Variants in AMY2B observed in about 807,000 individuals in gnomAD.
AMY2B encodes the protein amylase alpha 2B, also known as alpha-amylase 2B.
A neutral mutation model predicts 59.3 loss-of-function variants in AMY2B; 63 were observed. The observed-to-expected ratio is 1.06, with a 90% confidence interval of 0.87 to 1.31. AMY2B has a LOEUF of 1.31. Among genes scored for constraint, AMY2B ranks in the 50% most tolerant of loss-of-function variants. The probability of loss-of-function intolerance (pLI) is 0.00; values close to 1 mark genes in which losing one functional copy is unlikely to be tolerated. For missense variants in AMY2B, 635 were observed against 626.7 expected (o/e 1.01, Z -0.14); for synonymous variants, 180 against 198.1 (o/e 0.91, Z 0.77).
upstream of AMY2B, chr1:103,570,499 C>A (rs1293100798): frequency 6.2e-6 from 4 of 647,028 alleles, no homozygotes; most frequent in African/African-American, 5.4e-5. Context: ...AAGGAGATCA[C>A]CACCCGGGCA....
rs746200954 is a variant in AMY2B, at chr1:103,575,460, G to T, written c.1021G>T (p.Gly341Ter). The T allele has an allele frequency of 7.4e-6, 12 of 1,613,414 alleles. No homozygotes were observed. In the African/African-American group the frequency reaches 1.6e-4, roughly 22 times the overall value. Residue 341 changes from glycine to a stop codon, truncating the protein, a stop_gained, in exon 7 of 10, where the codon GGA (glycine) becomes TGA (stop). Transcript: ENST00000684275. LOFTEE classifies it high-confidence loss of function. The part of the protein sequence containing the change: ...WDARLYKMAV[G>*]FMLAHPYGFT... The stretch of plus-strand genomic sequence containing the variant: ...TTTCAGGCTGTATAAAATGGCAGTT[G>T]GATTTATGCTTGCTCATCCTTATGG...
chr1:103,569,920 G>A (rs918653337), upstream of AMY2B: 3 of 470,464 alleles, frequency 6.4e-6, no homozygotes, highest in Non-Finnish European at 1.3e-5. Context: ...CTCAGATCAT[G>A]TTTGATACCT....
intron 1 of AMY2B, among the ~76,000 whole-genome samples, chr1:103,557,808 T>G (rs181684732): frequency 5.5e-4 from 84 of 152,256 alleles, no homozygotes; most frequent in Non-Finnish European, 7.2e-4. Context: ...GGTAACTACA[T>G]AAAATTCCAT....
At chr1:103,577,651 C>A (rs1652413426) in intron 8 of AMY2B, 43 bp downstream of exon 8, 1 of 1,611,832 alleles carries the variant, frequency 6.2e-7, no homozygotes. Flanking sequence ...AGTAAACTTT[C>A]CATTGCATTT....
At chr1:103,574,836 A>T (rs916993924) in intron 5 of AMY2B, among the ~76,000 whole-genome samples, 3 of 151,568 alleles carry the variant, frequency 2.0e-5, no homozygotes, top group Non-Finnish European at 2.9e-5. Flanking sequence ...GACATTCCGT[A>T]AAATGTGATA....
At chr1:103,558,657 G>T (rs1473110386) in intron 1 of AMY2B, among the ~76,000 whole-genome samples, 1 of 151,828 alleles carries the variant, frequency 6.6e-6, no homozygotes, top group East Asian at 1.9e-4. Flanking sequence ...CAACAACTTG[G>T]GAGGCTGAGG....
chr1:103,572,254 G>C lies in AMY2B; in HGVS notation c.313G>C (p.Gly105Arg). Residue 105 changes from glycine to arginine, a missense_variant and splice_region_variant, in exon 2 of 10, where the codon GGG becomes CGG. Gly to Arg is a moderately radical substitution (Grantham distance 125, BLOSUM62 -2). Coordinates refer to ENST00000684275, the MANE Select transcript of AMY2B (RefSeq NM_001387437.1). ...CATGGTGACTAGATGTAACAATGTT[G>C]GGGTAAGTGAATTCTAGTTTCCTTG... ...RNMVTRCNNV[G>R]VRIYVDAVIN... The C allele has an allele frequency of 6.2e-7, 1 of 1,609,304 alleles. No individual in the cohort carries two copies. The highest frequency in any genetic ancestry group is 8.5e-7 in the Non-Finnish European group (1 of 1,178,398).
chr1:103,573,573 C>T (rs1652222449), intron 3 of AMY2B, 135 bp from the exon 4 acceptor site: 1 of 1,348,544 alleles, frequency 7.4e-7, no homozygotes, highest in African/African-American at 1.5e-5. Context: ...AGAATGTGAG[C>T]ATCCCCAGCG....
chr1:103,573,231 G>A lies in AMY2B; in HGVS notation c.484G>A (p.Asp162Asn), dbSNP rs1652206668. 1.2e-6 allele frequency: 2 copies of A among 1,613,660 alleles called. No homozygotes were observed. Among genetic ancestry groups the A allele is most frequent in the Admixed American group, 1.7e-5 (1 of 60,004 alleles). ...TGGTAAATGTAAAACTGGAAGTGGA[G>A]ATATCGAGAACTACAATGATGCTAC... ...NDGKCKTGSGDIENYNDATQV... is the reference protein window; with the variant it reads ...NDGKCKTGSGNIENYNDATQV... The change falls in exon 3 of 10, where the codon GAT becomes AAT. Residue 162 changes from aspartate (D) to asparagine (N), a missense_variant. Coordinates refer to ENST00000684275, the MANE Select transcript of AMY2B (RefSeq NM_001387437.1).
upstream of AMY2B, among the ~76,000 whole-genome samples, chr1:103,566,925 G>T (rs1430668195): frequency 1.3e-5 from 2 of 152,016 alleles, no homozygotes; most frequent in Admixed American, 1.3e-4. Context: ...GAGTTTTCAT[G>T]TTATAGCCAT....
upstream of AMY2B, chr1:103,570,513 A>G: frequency 1.6e-6 from 1 of 628,764 alleles, no homozygotes. Context: ...CCGGGCACCT[A>G]GCACCATGAA....
At chr1:103,570,399 A>G, upstream of AMY2B, 1 of 872,898 alleles carries the variant, frequency 1.1e-6, no homozygotes, top group Non-Finnish European at 1.9e-6. Context: ...CTCCATCATG[A>G]AGTGTGACGT....
Position 103,579,498 on chromosome 1 carries a change from T to C in AMY2B, c.1534T>C (p.Ter512GlnextTer?), listed in dbSNP as rs1652490326. ...TGCAATTCATGCTGAATCTAAATTA[T>C]AAAATTTAAAATTAAATGCATATCC... ...FIAIHAESKL[*>Q] The change falls in exon 10 of 10, where the codon TAA becomes CAA. Residue 512 changes from the stop codon to glutamine (Q), a stop_lost. Coordinates refer to ENST00000684275, the MANE Select transcript of AMY2B (RefSeq NM_001387437.1). The C allele has an allele frequency of 6.2e-7, 1 of 1,608,552 alleles. No homozygotes were observed. Among genetic ancestry groups the C allele is most frequent in the Non-Finnish European group, 8.5e-7 (1 of 1,178,844 alleles).
intron 9 of AMY2B, among the ~76,000 whole-genome samples, chr1:103,578,578 T>A (rs1225729482): frequency 6.6e-6 from 1 of 152,164 alleles, no homozygotes; most frequent in African/African-American, 2.4e-5. Flanking sequence ...ATTTCACTGA[T>A]GAAAAATAAA....
upstream of AMY2B, chr1:103,569,858 G>C: frequency 2.2e-6 from 1 of 457,072 alleles, no homozygotes; most frequent in South Asian, 1.8e-5. Context: ...GGAGCACCTG[G>C]TGCTGCTGAC....
chr1:103,558,304 G>A (rs540905460), intron 1 of AMY2B, among the ~76,000 whole-genome samples: 88 of 152,264 alleles, frequency 5.8e-4, no homozygotes, highest in Non-Finnish European at 1.1e-3. Flanking sequence ...GTTATTGTAA[G>A]CCACTGAAAA....
At chr1:103,561,279 T>C (rs923163156) in intron 1 of AMY2B, among the ~76,000 whole-genome samples, 1 of 152,250 alleles carries the variant, frequency 6.6e-6, no homozygotes, top group East Asian at 1.9e-4. Flanking sequence ...GTTTTTTGTT[T>C]GTTTTGAGAC....
intron 1 of AMY2B, among the ~76,000 whole-genome samples, chr1:103,557,319 T>C (rs1271920064): frequency 1.3e-5 from 2 of 151,946 alleles, no homozygotes; most frequent in African/African-American, 4.8e-5. Context: ...TATAAAGACT[T>C]GAGGTGGTTG....
upstream of AMY2B, among the ~76,000 whole-genome samples, chr1:103,567,618 C>G (rs995408289): frequency 2.0e-5 from 3 of 152,172 alleles, no homozygotes; most frequent in Non-Finnish European, 4.4e-5. Flanking sequence ...ACATCTACCC[C>G]TTTCCACTCT....
Sources: allele counts gnomAD v4.1 joint callset (sites outside exome capture counted in the v4.1 genomes callset), GRCh38; gene constraint gnomAD v4.1.1; transcripts MANE v1.5; gene names NCBI Gene and HGNC (gene_info 2026-07-23, HGNC 2026-07-21).